The following GAD2 variants were observed in gnomAD, a reference collection of about 807,000 sequenced individuals.
The protein encoded by GAD2 is 65 kDa glutamic acid decarboxylase.
In GAD2, 22 loss-of-function variants were observed where a neutral mutation model predicts 80.1. The ratio of observed to expected loss-of-function variants is 0.27; its 90% confidence interval spans 0.20 to 0.39. GAD2 has a LOEUF of 0.39. Ranked by LOEUF, GAD2 falls within the 10% of genes least tolerant of loss-of-function variation. The pLI is 1.00. For synonymous variants in GAD2, 274 were observed against 256.9 expected, an observed-to-expected ratio of 1.07 and a Z score of -0.64; for missense variants, 624 against 738.4, an observed-to-expected ratio of 0.85 and a Z score of 1.80.
At chr10:26,249,946 A>G (rs1463379534) in intron 8 of GAD2, among the ~76,000 whole-genome samples, 1 of 151,922 alleles carries the variant, frequency 6.6e-6, no homozygotes. Flanking sequence ...CAGGAGGGGG[A>G]TGCTGGAGAG....
rs897876627 is a variant in GAD2, at chr10:26,273,666, C to T, written c.1123C>T (p.Arg375Ter). Residue 375 changes from arginine (R) to a stop codon, truncating the protein, a stop_gained, in exon 11 of 16, where the codon CGA becomes TGA. Coordinates refer to ENST00000376261, the MANE Select transcript of GAD2 (RefSeq NM_001134366.2). LOFTEE classifies it high-confidence loss of function. Reference sequence around the variant, plus strand: ...TTGGGGTGGGGGATTACTGATGTCCCGAAAACACAAGTGGAAACTGAGTGG... The same window carrying T: ...TTGGGGTGGGGGATTACTGATGTCCTGAAAACACAAGTGGAAACTGAGTGG... ...AAWGGGLLMS[R>*]KHKWKLSGVE... 2.5e-6 allele frequency: 4 copies of T among 1,612,776 alleles called. No homozygotes were observed. The highest frequency in any genetic ancestry group is 1.3e-5 in the African/African-American group (1 of 74,736).
chr10:26,225,052 T>A (rs535717433), intron 6 of GAD2, among the ~76,000 whole-genome samples: 45 of 151,600 alleles, frequency 3.0e-4, no homozygotes, highest in Non-Finnish European at 5.7e-4. Flanking sequence ...TGTTCAAGGG[T>A]GCATAGCAAG....
chr10:26,248,539 C>T (rs1056628202), intron 8 of GAD2, among the ~76,000 whole-genome samples: 1 of 152,216 alleles, frequency 6.6e-6, no homozygotes, highest in African/African-American at 2.4e-5. Flanking sequence ...CCTTTAGTTT[C>T]TACAGGGAAT....
At chr10:26,227,974 G>T (rs111521872) in intron 6 of GAD2, among the ~76,000 whole-genome samples, 2 of 152,244 alleles carry the variant, frequency 1.3e-5, no homozygotes, top group Admixed American at 6.5e-5. Context: ...TGGGCAGCCT[G>T]CTTGAATCAG....
At chr10:26,225,690 G>T (rs73594325) in intron 6 of GAD2, among the ~76,000 whole-genome samples, 1 of 152,272 alleles carries the variant, frequency 6.6e-6, no homozygotes, top group African/African-American at 2.4e-5. Context: ...CCCAAGGCCA[G>T]GGCTTAAGTT....
intron 8 of GAD2, among the ~76,000 whole-genome samples, chr10:26,262,269 G>GTTT (rs11424034): frequency 7.3e-6 from 1 of 136,108 alleles, no homozygotes. Flanking sequence ...TTGGTTATTA[G>GTTT]TTTTTTTTTT....
intron 7 of GAD2, among the ~76,000 whole-genome samples, chr10:26,239,603 T>A (rs1844716136): frequency 6.6e-6 from 1 of 152,266 alleles, no homozygotes; most frequent in Non-Finnish European, 1.5e-5. Context: ...TGCAGCCTGC[T>A]GTGTTCTCGT....
chr10:26,301,676 G>A lies in GAD2; in HGVS notation c.*715G>A, dbSNP rs889117205. 6.6e-6 allele frequency: 1 copy of A among 151,988 alleles called. No individual in the cohort carries two copies. The highest frequency in any genetic ancestry group is 1.5e-5 in the Non-Finnish European group (1 of 67,996). The allele number at this position is 151,988 out of a possible 1,614,324, so 9.4% of individuals were successfully genotyped here. ...GGTATTATTGCTTCTTTCTATACAT[G>A]TTATGGCTTATCACATCTCTAAAGT... On this transcript the variant is annotated 3_prime_UTR_variant, in exon 16 of 16. Transcript: ENST00000376261.
chr10:26,243,650 C>T (rs1844770550), intron 7 of GAD2, among the ~76,000 whole-genome samples: 1 of 152,154 alleles, frequency 6.6e-6, no homozygotes, highest in South Asian at 2.1e-4. Context: ...GGCAGTGTGG[C>T]CTGTTCTGTA....
chr10:26,293,127 C>A, intron 15 of GAD2, 136 bp downstream of exon 15: 3 of 630,762 alleles, frequency 4.8e-6, no homozygotes, highest in East Asian at 2.7e-5. Context: ...TGGACTCCTA[C>A]AGAGCCAGGA....
intron 8 of GAD2, among the ~76,000 whole-genome samples, chr10:26,250,648 A>G (rs139443772): frequency 1.4e-4 from 21 of 152,284 alleles, no homozygotes; most frequent in African/African-American, 5.1e-4. Flanking sequence ...CAAGGAGGAG[A>G]GATGGTGAGG....
intron 7 of GAD2, among the ~76,000 whole-genome samples, chr10:26,244,745 TA>T (rs1844784009): frequency 6.6e-6 from 1 of 151,974 alleles, no homozygotes; most frequent in Non-Finnish European, 1.5e-5. Context: ...AGGAGTTGTT[TA>T]ATGGGCACGG....
intron 7 of GAD2, among the ~76,000 whole-genome samples, chr10:26,230,098 G>A (rs562877393): frequency 1.3e-5 from 2 of 152,258 alleles, no homozygotes; most frequent in Non-Finnish European, 2.9e-5. Context: ...AGTTCAGGAG[G>A]TTGAGACTGC....
intron 8 of GAD2, among the ~76,000 whole-genome samples, chr10:26,254,424 C>T (rs554232055): frequency 2.0e-5 from 3 of 152,132 alleles, no homozygotes; most frequent in Non-Finnish European, 4.4e-5. Flanking sequence ...GGGGCTCAGG[C>T]GGGAATGCTG....
intron 7 of GAD2, among the ~76,000 whole-genome samples, chr10:26,240,904 T>C (rs892837014): frequency 2.6e-5 from 4 of 152,046 alleles, no homozygotes; most frequent in Non-Finnish European, 5.9e-5. Flanking sequence ...TAGTCAGTCA[T>C]GGTGGCAGGC....
At chr10:26,247,902 A>C (rs573340072) in intron 8 of GAD2, among the ~76,000 whole-genome samples, 3 of 115,384 alleles carry the variant, frequency 2.6e-5, no homozygotes, top group African/African-American at 7.8e-5. Context: ...TCTCAAAAAA[A>C]AAAAAAAAAA....
chr10:26,228,503 G>A (rs1027625831), intron 6 of GAD2, among the ~76,000 whole-genome samples: 7 of 152,194 alleles, frequency 4.6e-5, no homozygotes, highest in African/African-American at 1.4e-4. Context: ...TGAGATGGAC[G>A]TGGAGGTTTA....
At chr10:26,244,925 G>C (rs1203322921) in intron 7 of GAD2, among the ~76,000 whole-genome samples, 2 of 152,154 alleles carry the variant, frequency 1.3e-5, no homozygotes, top group African/African-American at 4.8e-5. Context: ...GTTGAGGCAG[G>C]TGGATCACCT....
intron 8 of GAD2, among the ~76,000 whole-genome samples, chr10:26,253,034 C>CA (rs111535726): frequency 1.2e-3 from 172 of 146,210 alleles, no homozygotes; most frequent in African/African-American, 4.0e-3. Context: ...TCAGTTAAAA[C>CA]AAAAAAAAAA....
Sources: allele counts gnomAD v4.1 joint callset (sites outside exome capture counted in the v4.1 genomes callset), GRCh38; gene constraint gnomAD v4.1.1; transcripts MANE v1.5; gene names NCBI Gene and HGNC (gene_info 2026-07-23, HGNC 2026-07-21).